PTPRT: variants seen among roughly 807,000 people sequenced by gnomAD.
PTPRT encodes the protein receptor-type tyrosine-protein phosphatase T.
PTPRT carries 56 observed loss-of-function variants against 176.8 expected under a neutral mutation model. That is an observed-to-expected ratio of 0.32 (90% CI 0.26 to 0.40). PTPRT has a LOEUF of 0.40. Among genes scored for constraint, PTPRT ranks in the 10% least tolerant of loss-of-function variants. The probability of loss-of-function intolerance (pLI) is 1.00; values close to 1 mark genes in which losing one functional copy is unlikely to be tolerated. For synonymous variants in PTPRT, 783 were observed against 739.0 expected (o/e 1.06, Z -0.96); for missense variants, 1,540 against 1,908.2 (o/e 0.81, Z 3.60).
At chr20:42,345,580 A>ATGTG (rs1474978839) in intron 11 of PTPRT, among the ~76,000 whole-genome samples, 10 of 86,456 alleles carry the variant, frequency 1.2e-4, no homozygotes, top group East Asian at 1.0e-3. Flanking sequence ...ACATACATAT[A>ATGTG]TATGTGTGTG....
At chr20:42,099,835 G>A (rs1023921808) in intron 26 of PTPRT, among the ~76,000 whole-genome samples, 2 of 152,070 alleles carry the variant, frequency 1.3e-5, no homozygotes, top group Non-Finnish European at 2.9e-5. Context: ...CCCTTCTTCC[G>A]AGGGCCTTTT....
intron 16 of PTPRT, among the ~76,000 whole-genome samples, chr20:42,195,307 C>T (rs1991169716): frequency 6.6e-6 from 1 of 152,188 alleles, no homozygotes; most frequent in Non-Finnish European, 1.5e-5. Context: ...ATTCTGTGCC[C>T]TACCTCTCAA....
At chr20:43,188,134 C>G (rs1431018673) in intron 1 of PTPRT, among the ~76,000 whole-genome samples, 1 of 152,172 alleles carries the variant, frequency 6.6e-6, no homozygotes, top group Non-Finnish European at 1.5e-5. Flanking sequence ...ACGAATCATG[C>G]CTGGATCCCC....
chr20:42,327,196 G>C (rs2057896629), intron 11 of PTPRT, among the ~76,000 whole-genome samples: 1 of 151,782 alleles, frequency 6.6e-6, no homozygotes, highest in Non-Finnish European at 1.5e-5. Context: ...TTATCACTTA[G>C]TGTTTCAGAA....
intron 26 of PTPRT, 71 bp from the exon 27 acceptor site, chr20:42,098,623 G>A (rs1985540058): frequency 1.3e-6 from 2 of 1,581,996 alleles, no homozygotes; most frequent in South Asian, 1.1e-5. Flanking sequence ...GATGAGGCCT[G>A]GACTGAGGCC....
intron 7 of PTPRT, among the ~76,000 whole-genome samples, chr20:42,587,081 A>G (rs1474110366): frequency 2.0e-5 from 3 of 152,190 alleles, no homozygotes; most frequent in African/African-American, 4.8e-5. Flanking sequence ...ACCACATTTC[A>G]GCACCAATGC....
At chr20:42,854,851 C>T (rs1157263574) in intron 2 of PTPRT, among the ~76,000 whole-genome samples, 1 of 152,216 alleles carries the variant, frequency 6.6e-6, no homozygotes, top group Non-Finnish European at 1.5e-5. Context: ...GTTATACCAG[C>T]ACCACCAACA....
chr20:42,610,212 C>G (rs2073951095), intron 7 of PTPRT, among the ~76,000 whole-genome samples: 2 of 152,172 alleles, frequency 1.3e-5, no homozygotes, highest in Admixed American at 1.3e-4. Flanking sequence ...TTGATAGAAA[C>G]TTAGACTTTT....
chr20:43,188,793 T>C, intron 1 of PTPRT, among the ~76,000 whole-genome samples: 1 of 138,848 alleles, frequency 7.2e-6, no homozygotes, highest in South Asian at 2.3e-4. Context: ...GCGGTGGGGC[T>C]TGGTGATGTG....
rs146879809 is a variant in PTPRT at position 43,135,795 on chromosome 20, A to G, written c.88+53851T>C. On this transcript the variant is annotated intron_variant, in intron 1 of 30. Coordinates refer to ENST00000373187, the MANE Select transcript of PTPRT (RefSeq NM_007050.6). Reference sequence around the variant, plus strand: ...AAGAATGCAAGTTCATTGACAGTGTATTGGAGGCGGTGGGGGGCTTTCGTC... The same window carrying G: ...AAGAATGCAAGTTCATTGACAGTGTGTTGGAGGCGGTGGGGGGCTTTCGTC... Among the ~76,000 whole-genome samples the G allele has an allele frequency of 5.8e-3, 878 of 152,298 alleles. 6 individuals carry two copies. The highest frequency in any genetic ancestry group is 0.02 in the African/African-American group (836 of 41,566).
At chr20:42,451,227 T>C (rs193090997) in intron 8 of PTPRT, among the ~76,000 whole-genome samples, 5 of 152,152 alleles carry the variant, frequency 3.3e-5, no homozygotes, top group Admixed American at 2.6e-4. Flanking sequence ...TTGGTGGTGA[T>C]AGATAAGGGT....
intron 1 of PTPRT, among the ~76,000 whole-genome samples, chr20:43,175,173 A>G (rs1854200460): frequency 6.6e-6 from 1 of 152,250 alleles, no homozygotes; most frequent in Admixed American, 6.5e-5. Flanking sequence ...TGGAGATGCC[A>G]GGAAAGAGAA....
At chr20:42,458,693 A>G (rs1032076282) in intron 8 of PTPRT, among the ~76,000 whole-genome samples, 1 of 152,092 alleles carries the variant, frequency 6.6e-6, no homozygotes, top group Non-Finnish European at 1.5e-5. Flanking sequence ...TATCCGAATG[A>G]TGTTATATTG....
chr20:42,646,324 T>C (rs1347504485), intron 7 of PTPRT, among the ~76,000 whole-genome samples: 4 of 152,214 alleles, frequency 2.6e-5, no homozygotes, highest in Non-Finnish European at 1.5e-5. Context: ...CAAATCCAGC[T>C]CTCCATTTGC....
At chr20:43,034,831 C>G (rs1986308242) in intron 1 of PTPRT, among the ~76,000 whole-genome samples, 2 of 152,032 alleles carry the variant, frequency 1.3e-5, no homozygotes, top group South Asian at 4.2e-4. Flanking sequence ...CGGGTTTTGT[C>G]TGTGCTTAGC....
intron 1 of PTPRT, among the ~76,000 whole-genome samples, chr20:43,103,556 A>G (rs2012477536): frequency 6.6e-6 from 1 of 151,834 alleles, no homozygotes; most frequent in Non-Finnish European, 1.5e-5. Flanking sequence ...TGGACCCTCT[A>G]TTCTTTGACT....
At chr20:43,024,589 C>T (rs912340840) in intron 1 of PTPRT, among the ~76,000 whole-genome samples, 1 of 81,412 alleles carries the variant, frequency 1.2e-5, no homozygotes, top group Non-Finnish European at 2.7e-5. Flanking sequence ...GACTCCATCT[C>T]AAAAAAAAAA....
chr20:42,048,204 A>C, the PTPRT span, among the ~76,000 whole-genome samples: 1 of 152,172 alleles, frequency 6.6e-6, no homozygotes, highest in Non-Finnish European at 1.5e-5. Flanking sequence ...CTCATGCATG[A>C]TGTTTTTCAT....
At chr20:43,060,247 C>T (rs1388803239) in intron 1 of PTPRT, among the ~76,000 whole-genome samples, 2 of 152,132 alleles carry the variant, frequency 1.3e-5, no homozygotes, top group African/African-American at 4.8e-5. Context: ...TTATTTCTCA[C>T]TGTTCTGGAG....
Sources: allele counts gnomAD v4.1 joint callset (sites outside exome capture counted in the v4.1 genomes callset), GRCh38; gene constraint gnomAD v4.1.1; transcripts MANE v1.5; gene names NCBI Gene and HGNC (gene_info 2026-07-23, HGNC 2026-07-21).